The following ANO10 variants were observed in gnomAD, a reference collection of about 807,000 sequenced individuals.
ANO10 encodes the protein anoctamin-10.
In ANO10, 77 loss-of-function variants were observed where a neutral mutation model predicts 74.7. The ratio of observed to expected loss-of-function variants is 1.03; its 90% CI spans 0.86 to 1.25. The LOEUF is 1.25. Among genes scored for constraint, ANO10 ranks in the 50% most tolerant of loss-of-function variants. ANO10 has a pLI of 0.00. For missense variants in ANO10, 721 were observed against 778.1 expected, an observed-to-expected ratio of 0.93 and a Z score of 0.87; for synonymous variants, 279 against 284.9, an observed-to-expected ratio of 0.98 and a Z score of 0.21.
chr3:43,485,254 G>A (rs927097850), intron 11 of ANO10: 56 of 629,276 alleles, frequency 8.9e-5, no homozygotes, highest in African/African-American at 8.7e-4. Context: ...TGAGAGGCAG[G>A]ACTAGCTGCT....
chr3:43,434,606 C>G (rs2093039187), intron 11 of ANO10, among the ~76,000 whole-genome samples: 1 of 152,162 alleles, frequency 6.6e-6, no homozygotes, highest in African/African-American at 2.4e-5. Context: ...CCTAATAAAT[C>G]TGTACCCATT....
intron 1 of ANO10, chr3:43,690,934 G>C: frequency 1.3e-6 from 2 of 1,528,164 alleles, no homozygotes; most frequent in Non-Finnish European, 1.7e-6. Flanking sequence ...GCCCGGGGCG[G>C]CCCAGTCGGC....
At chr3:43,494,765 GATATGTA>G (rs1245164155) in intron 11 of ANO10, among the ~76,000 whole-genome samples, 1 of 152,052 alleles carries the variant, frequency 6.6e-6, no homozygotes, top group Non-Finnish European at 1.5e-5. Context: ...TTTATTGAAG[GATATGTA>G]ATAAGTCATT....
At chr3:43,682,516 T>A (rs1254677309) in intron 1 of ANO10, among the ~76,000 whole-genome samples, 2 of 152,164 alleles carry the variant, frequency 1.3e-5, no homozygotes, top group Non-Finnish European at 1.5e-5. Flanking sequence ...GAGGAACTGG[T>A]ACCATTCCTT....
upstream of ANO10, among the ~76,000 whole-genome samples, chr3:43,622,326 G>A (rs1325377771): frequency 5.3e-5 from 8 of 152,234 alleles, no homozygotes; most frequent in Admixed American, 5.2e-4. Flanking sequence ...GGCAGCGGGA[G>A]AGGCGCGGCC....
intron 3 of ANO10, among the ~76,000 whole-genome samples, 156 bp downstream of exon 3, chr3:43,600,228 G>A (rs2082275808): frequency 2.0e-5 from 3 of 152,206 alleles, no homozygotes; most frequent in Admixed American, 6.5e-5. Context: ...CAATGGCAGT[G>A]TTGAGTAATT....
At chr3:43,429,347 A>G (rs962267713) in intron 12 of ANO10, among the ~76,000 whole-genome samples, 2 of 152,126 alleles carry the variant, frequency 1.3e-5, no homozygotes, top group African/African-American at 4.8e-5. Context: ...ATTTTTTCAA[A>G]ATATCTTTTT....
At chr3:43,485,615 C>G (rs1190452749) in intron 11 of ANO10, 1 of 209,024 alleles carries the variant, frequency 4.8e-6, no homozygotes, top group Non-Finnish European at 9.7e-6. Flanking sequence ...GCTCTGGGAG[C>G]AAGGACCCCC....
At chr3:43,690,301 C>T (rs2084339577) in intron 1 of ANO10, 2 of 152,166 alleles carry the variant, frequency 1.3e-5, no homozygotes, top group South Asian at 4.1e-4. Context: ...AAAATCCGCC[C>T]GCCTTGGCCG....
intron 11 of ANO10, among the ~76,000 whole-genome samples, chr3:43,476,340 C>T (rs1017303638): frequency 3.3e-5 from 5 of 152,162 alleles, no homozygotes; most frequent in African/African-American, 1.2e-4. Flanking sequence ...GTGAATGTTA[C>T]TGAATCCTAA....
rs553687865 is a variant in ANO10 at position 43,572,995 on chromosome 3, C to CT, written c.1218+1813dup. 3.8e-3 allele frequency among the ~76,000 whole-genome samples: 536 copies of CT among 141,632 alleles called. 3 individuals carry two copies. The highest frequency in any genetic ancestry group is 8.1e-3 in the African/African-American group (314 of 38,796). 92.9% of individuals were successfully genotyped at this position (141,632 alleles called of 152,430 possible). A position where few individuals can be genotyped will look rare whatever the true frequency, so the allele number is the denominator to read the frequency against. ...GGAGGAAGAAGACTTTAACCAACGG[C>CT]TTTTTTTTTTTTTTACAAGGAAGTT... On this transcript the variant is annotated intron_variant, in intron 7 of 12. Transcript: ENST00000292246.
At chr3:43,568,680 A>G (rs2080513449) in intron 7 of ANO10, among the ~76,000 whole-genome samples, 1 of 150,096 alleles carries the variant, frequency 6.7e-6, no homozygotes, top group African/African-American at 2.5e-5. Context: ...GGGCGCATTC[A>G]AAGCAGTGTG....
chr3:43,622,681 A>T (rs1467789416), upstream of ANO10, among the ~76,000 whole-genome samples: 1 of 152,092 alleles, frequency 6.6e-6, no homozygotes, highest in African/African-American at 2.4e-5. Context: ...CCTTCTGCCC[A>T]GAAAGCTCTT....
intron 1 of ANO10, among the ~76,000 whole-genome samples, chr3:43,685,959 C>T (rs961774231): frequency 5.9e-5 from 9 of 152,192 alleles, no homozygotes; most frequent in Non-Finnish European, 1.2e-4. Flanking sequence ...TCACTCTTTT[C>T]CTTTATGACC....
In ANO10 at chr3:43,420,607, G is replaced by GT. The variant is rs1378383007; in HGVS notation, c.1914+12003dup. On this transcript the variant is annotated intron_variant, in intron 12 of 12. Coordinates refer to ENST00000292246, the MANE Select transcript of ANO10 (RefSeq NM_018075.5). ...CAGTTTACTAGTAATTAAAAACAAAGTTTTTTTTTAAGTGTGGTTTCCTAC... is the reference window on the plus strand; with the variant it reads ...CAGTTTACTAGTAATTAAAAACAAAGTTTTTTTTTTAAGTGTGGTTTCCTAC... Among the ~76,000 whole-genome samples the GT allele has an allele frequency of 7.9e-5, 12 of 151,668 alleles. No individual in the cohort carries two copies. In the East Asian group the frequency reaches 1.4e-3, roughly 17 times the overall value.
At chr3:43,503,233 T>C (rs936827261) in intron 11 of ANO10, among the ~76,000 whole-genome samples, 1 of 152,138 alleles carries the variant, frequency 6.6e-6, no homozygotes, top group Non-Finnish European at 1.5e-5. Flanking sequence ...TGTTAAACAT[T>C]ACAGGTTTCA....
At chr3:43,676,258 A>G (rs1481748381) in intron 1 of ANO10, among the ~76,000 whole-genome samples, 1 of 151,974 alleles carries the variant, frequency 6.6e-6, no homozygotes, top group Non-Finnish European at 1.5e-5. Flanking sequence ...TGGGAGTTTG[A>G]CACCAGCCTG....
At chr3:43,528,760 ACCAG>A (rs2078322499) in intron 11 of ANO10, among the ~76,000 whole-genome samples, 2 of 152,186 alleles carry the variant, frequency 1.3e-5, no homozygotes, top group Non-Finnish European at 2.9e-5. Flanking sequence ...ACTGTAACTT[ACCAG>A]CCTGGGCAAC....
chr3:43,465,342 T>C (rs2075568876), intron 11 of ANO10, among the ~76,000 whole-genome samples: 1 of 152,218 alleles, frequency 6.6e-6, no homozygotes, highest in Admixed American at 6.5e-5. Flanking sequence ...GTATAGCCCA[T>C]TGCTCCTAGG....
Sources: gnomAD v4.1 joint callset for allele counts (sites outside exome capture counted in the v4.1 genomes callset) on GRCh38, gnomAD v4.1.1 for gene constraint, MANE v1.5 for transcripts, NCBI Gene and HGNC (gene_info 2026-07-23, HGNC 2026-07-21) for gene names.